The following MAP3K20 variants were observed in gnomAD, a reference collection of about 807,000 sequenced individuals.
MAP3K20 encodes the protein mitogen-activated protein kinase kinase kinase 20.
A neutral mutation model predicts 85.7 loss-of-function variants in MAP3K20; 40 were observed. The observed-to-expected ratio is 0.47, with a 90% CI of 0.36 to 0.61. The LOEUF (loss-of-function observed/expected upper bound fraction) is 0.61, where lower values mean the gene tolerates loss of function less well. Among genes scored for constraint, MAP3K20 ranks in the 20% least tolerant of loss-of-function variants. The pLI, the probability that MAP3K20 is intolerant of heterozygous loss-of-function variation, is 0.00. For missense variants in MAP3K20, 817 were observed against 961.7 expected, an observed-to-expected ratio of 0.85 and a Z score of 1.99; for synonymous variants, 325 against 327.7, an observed-to-expected ratio of 0.99 and a Z score of 0.09.
chr2:173,098,277 A>G (rs1036017949), intron 2 of MAP3K20, among the ~76,000 whole-genome samples: 1 of 152,230 alleles, frequency 6.6e-6, no homozygotes, highest in African/African-American at 2.4e-5. Flanking sequence ...TTTGTTAACT[A>G]TACCAGAGCT....
chr2:173,264,423 A>G (rs1373546292), intron 19 of MAP3K20, among the ~76,000 whole-genome samples: 1 of 152,142 alleles, frequency 6.6e-6, no homozygotes, highest in Non-Finnish European at 1.5e-5. Flanking sequence ...GTTTACAGTC[A>G]TCACACAAAG....
At position 173,198,226 on chromosome 2, in the gene MAP3K20, T is replaced by C; in HGVS notation, c.669+114T>C. The stretch of plus-strand genomic sequence containing the variant: ...AGTAAGTTCACGCTTATGGAAAGAT[T>C]AGCAGTAGGAGCTAACACAAAGGGT... On this transcript the variant is annotated intron_variant, in intron 8 of 19. Transcript: ENST00000375213. The surrounding 1 kb of genome is among the most constrained non-coding windows in gnomAD (Gnocchi z 5.8). 1 of 941,658 alleles carries C rather than the reference T, an allele frequency of 1.1e-6. No homozygotes were observed. The highest frequency in any genetic ancestry group is 1.6e-5 in the South Asian group (1 of 63,822). The allele number at this position is 941,658 out of a possible 1,614,324, so 58.3% of individuals were successfully genotyped here. A position where few individuals can be genotyped will look rare whatever the true frequency, so the allele number is the denominator to read the frequency against.
chr2:173,183,120 C>A (rs1365370739), intron 4 of MAP3K20, among the ~76,000 whole-genome samples, 165 bp downstream of exon 4: 1 of 152,148 alleles, frequency 6.6e-6, no homozygotes, highest in East Asian at 1.9e-4. Context: ...TATTTTAGGT[C>A]ATTGCCTTTC....
At chr2:173,229,640 A>G in intron 11 of MAP3K20, 49 bp from the exon 12 acceptor site, 1 of 1,610,506 alleles carries the variant, frequency 6.2e-7, no homozygotes, top group African/African-American at 1.3e-5. Context: ...CCAAAAAGAC[A>G]ATGATAATAT....
intron 14 of MAP3K20, among the ~76,000 whole-genome samples, chr2:173,236,677 A>C (rs1383847612): frequency 6.6e-6 from 1 of 152,192 alleles, no homozygotes; most frequent in Non-Finnish European, 1.5e-5. Context: ...GTGACCACTA[A>C]ACTCAGCCAG....
At chr2:173,118,718 A>G (rs1010645320) in intron 2 of MAP3K20, among the ~76,000 whole-genome samples, 9 of 152,236 alleles carry the variant, frequency 5.9e-5, no homozygotes, top group African/African-American at 2.2e-4. Flanking sequence ...TTAACTTGGA[A>G]GTTAGTAATA....
intron 2 of MAP3K20, among the ~76,000 whole-genome samples, chr2:173,097,793 G>A (rs750562199): frequency 1.7e-4 from 26 of 152,092 alleles, no homozygotes; most frequent in Non-Finnish European, 3.4e-4. Context: ...TTTATATAAA[G>A]GGGAAAATAC....
At chr2:173,103,458 A>G (rs180947120) in intron 2 of MAP3K20, among the ~76,000 whole-genome samples, 207 of 152,318 alleles carry the variant, frequency 1.4e-3, no homozygotes, top group African/African-American at 4.9e-3. Flanking sequence ...TGGGAGTATG[A>G]AGTGTTAAAA....
At chr2:173,119,436 A>G (rs961833803) in intron 2 of MAP3K20, among the ~76,000 whole-genome samples, 1 of 152,226 alleles carries the variant, frequency 6.6e-6, no homozygotes, top group Non-Finnish European at 1.5e-5. Flanking sequence ...GCTGGCCATC[A>G]TGGCCACTGG....
At chr2:173,216,510 G>GGT (rs1684076057) in intron 10 of MAP3K20, among the ~76,000 whole-genome samples, 1 of 148,970 alleles carries the variant, frequency 6.7e-6, no homozygotes, top group Admixed American at 6.7e-5. Flanking sequence ...GTTCTGGTGT[G>GGT]TTTTTTTTTT....
At chr2:173,169,958 A>G (rs1403493583) in intron 3 of MAP3K20, 66 bp downstream of exon 3, 3 of 1,413,622 alleles carry the variant, frequency 2.1e-6, no homozygotes, top group Non-Finnish European at 3.0e-6. Context: ...TTAATATGCT[A>G]AAATGCTTAA....
At position 173,187,592 on chromosome 2, in the gene MAP3K20, G is replaced by A. The variant is rs371321751; in HGVS notation, c.384G>A (p.Lys128=). Residue 128 remains lysine (K), a synonymous_variant, in exon 5 of 20, where the codon AAG becomes AAA. Coordinates refer to ENST00000375213, the MANE Select transcript of MAP3K20 (RefSeq NM_016653.3). ...ATTTACATATGGAGGCTCCTGTCAA[G>A]GTGATTCACAGAGACCTCAAGTCAA... ...MHYLHMEAPV[K]VIHRDLKSRN... 26 of 1,608,432 alleles carry A rather than the reference G, an allele frequency of 1.6e-5. No individual in the cohort carries two copies. The highest frequency in any genetic ancestry group is 2.0e-5 in the Non-Finnish European group (24 of 1,178,090).
At chr2:173,206,900 A>G (rs558823809) in intron 9 of MAP3K20, among the ~76,000 whole-genome samples, 1 of 150,838 alleles carries the variant, frequency 6.6e-6, no homozygotes, top group South Asian at 2.1e-4. Context: ...TGCCAGTCCT[A>G]TGCACATATG....
intron 16 of MAP3K20, among the ~76,000 whole-genome samples, chr2:173,241,825 G>C (rs145904786): frequency 6.6e-6 from 1 of 152,214 alleles, no homozygotes; most frequent in Non-Finnish European, 1.5e-5. Flanking sequence ...GAGCTGCTCT[G>C]GATACAGGTT....
chr2:173,157,503 A>G (rs914680454), intron 2 of MAP3K20, among the ~76,000 whole-genome samples: 2 of 152,024 alleles, frequency 1.3e-5, no homozygotes, highest in African/African-American at 2.4e-5. Flanking sequence ...GGACTTTCAG[A>G]CTCTTTTAAA....
chr2:173,101,518 A>G (rs946943808), intron 2 of MAP3K20, among the ~76,000 whole-genome samples: 4 of 152,218 alleles, frequency 2.6e-5, no homozygotes, highest in Non-Finnish European at 5.9e-5. Flanking sequence ...AGTAAAACCA[A>G]TTAACGTATT....
chr2:173,229,708 T>C lies in MAP3K20; in HGVS notation c.1007T>C (p.Ile336Thr). Residue 336 changes from isoleucine to threonine, a missense_variant, in exon 12 of 20, where the codon ATT becomes ACT. Physicochemically the swap from Ile to Thr is moderately conservative, Grantham distance 89. Coordinates refer to ENST00000375213, the MANE Select transcript of MAP3K20 (RefSeq NM_016653.3). ...ATGCAGCTGCTGCCTTCCTTTGAGA[T>C]TGGTGCATGGACGGAAGACGATGTG... is the stretch of plus-strand genomic sequence containing the variant. Reference protein sequence around the residue: ...SNTPLLPSFEIGAWTEDDVYC... With the variant: ...SNTPLLPSFETGAWTEDDVYC... The C allele has an allele frequency of 1.2e-6, 2 of 1,614,110 alleles. No homozygotes were observed. The highest frequency in any genetic ancestry group is 1.7e-5 in the Admixed American group (1 of 60,018).
chr2:173,140,261 C>A (rs1041229968), intron 2 of MAP3K20, among the ~76,000 whole-genome samples: 2 of 152,168 alleles, frequency 1.3e-5, no homozygotes, highest in African/African-American at 4.8e-5. Context: ...CCACCCACCT[C>A]AGCCTCCCAA....
At chr2:173,076,098 G>A in intron 1 of MAP3K20, 96 bp downstream of exon 1, 5 of 902,234 alleles carry the variant, frequency 5.5e-6, no homozygotes, top group Non-Finnish European at 5.3e-6. Flanking sequence ...CCGAGGCTCC[G>A]CCGGAGCCCG....
Sources: allele counts gnomAD v4.1 joint callset (sites outside exome capture counted in the v4.1 genomes callset), GRCh38; gene constraint gnomAD v4.1.1; non-coding constraint Gnocchi (gnomAD v3.1); transcripts MANE v1.5; gene names NCBI Gene and HGNC (gene_info 2026-07-23, HGNC 2026-07-21).